Variants in TENM2 observed in about 807,000 individuals in gnomAD.
TENM2 encodes teneurin-2.
A neutral mutation model predicts 245.2 loss-of-function variants in TENM2; 52 were observed. That is an observed-to-expected ratio of 0.21 (90% confidence interval 0.17 to 0.27). The LOEUF (loss-of-function observed/expected upper bound fraction) is 0.27, where lower values mean the gene tolerates loss of function less well. Ranked by LOEUF, TENM2 falls within the 10% of genes least tolerant of loss-of-function variation. The pLI is 1.00. For missense variants in TENM2, 3,046 were observed against 3,666.8 expected (o/e 0.83, Z 4.37); for synonymous variants, 1,363 against 1,438.9 (o/e 0.95, Z 1.19).
At chr5:167,438,784 A>T (rs998239935) in intron 2 of TENM2, among the ~76,000 whole-genome samples, 1 of 151,798 alleles carries the variant, frequency 6.6e-6, no homozygotes, top group African/African-American at 2.4e-5. Context: ...AGGTAAGCGA[A>T]GTTTTTTGTT....
At chr5:167,758,856 T>C (rs1273753245) in intron 2 of TENM2, among the ~76,000 whole-genome samples, 1 of 152,018 alleles carries the variant, frequency 6.6e-6, no homozygotes, top group African/African-American at 2.4e-5. Flanking sequence ...TCTGCTTTCA[T>C]GCTAGGACCT....
At chr5:167,683,157 C>A (rs574276498) in intron 2 of TENM2, among the ~76,000 whole-genome samples, 1 of 152,058 alleles carries the variant, frequency 6.6e-6, no homozygotes, top group East Asian at 1.9e-4. Context: ...TCTTTCACAG[C>A]AATTATAATC....
intron 6 of TENM2, among the ~76,000 whole-genome samples, chr5:168,056,566 C>A (rs1242123407): frequency 1.3e-5 from 2 of 152,182 alleles, no homozygotes; most frequent in Non-Finnish European, 2.9e-5. Flanking sequence ...CTAGTGACAT[C>A]TTAGCTGTCC....
At chr5:168,260,451 C>A in intron 28 of TENM2, 38 bp downstream of exon 30, 1 of 1,608,174 alleles carries the variant, frequency 6.2e-7, no homozygotes, top group Non-Finnish European at 8.5e-7. Flanking sequence ...AAATGATTGT[C>A]ATCATTCCCT....
intron 1 of TENM2, among the ~76,000 whole-genome samples, chr5:167,344,645 T>C (rs1393016728): frequency 6.6e-6 from 1 of 152,222 alleles, no homozygotes; most frequent in Non-Finnish European, 1.5e-5. Context: ...TTACCCTTTC[T>C]AGCAATCAGC....
At chr5:167,578,975 C>T (rs1424704917) in intron 2 of TENM2, among the ~76,000 whole-genome samples, 1 of 152,136 alleles carries the variant, frequency 6.6e-6, no homozygotes, top group Non-Finnish European at 1.5e-5. Context: ...ATTTTACCAG[C>T]CTATTCAGGT....
chr5:167,097,916 G>A, the TENM2 span, among the ~76,000 whole-genome samples: 1 of 151,822 alleles, frequency 6.6e-6, no homozygotes, highest in African/African-American at 2.4e-5. Flanking sequence ...TTTTTGCTTT[G>A]TCCAAGCCAT....
At chr5:168,119,626 A>C (rs1308314506) in intron 10 of TENM2, among the ~76,000 whole-genome samples, 1 of 152,216 alleles carries the variant, frequency 6.6e-6, no homozygotes, top group Non-Finnish European at 1.5e-5. Flanking sequence ...AGACCCTCTC[A>C]GCCCCTTGCC....
At chr5:166,986,529 C>T in the TENM2 span, among the ~76,000 whole-genome samples, 1 of 152,058 alleles carries the variant, frequency 6.6e-6, no homozygotes, top group African/African-American at 2.4e-5. Context: ...AGAAGTGTAT[C>T]TTATTTATAT....
chr5:168,193,375 C>A (rs977156774), intron 14 of TENM2, among the ~76,000 whole-genome samples: 1 of 152,158 alleles, frequency 6.6e-6, no homozygotes, highest in African/African-American at 2.4e-5. Context: ...AACTAAAATG[C>A]CTTGACTCCA....
the TENM2 span, among the ~76,000 whole-genome samples, chr5:166,990,274 AG>A: frequency 6.6e-6 from 1 of 152,164 alleles, no homozygotes; most frequent in Non-Finnish European, 1.5e-5. Flanking sequence ...TTGCATCTGA[AG>A]GCTCAGCCTT....
chr5:168,223,619 A>C (rs1209566270), intron 23 of TENM2, among the ~76,000 whole-genome samples: 1 of 151,954 alleles, frequency 6.6e-6, no homozygotes, highest in African/African-American at 2.4e-5. Context: ...GGCACACGGC[A>C]CTGCGCCCAG....
At chr5:167,349,041 A>C (rs533866663) in intron 1 of TENM2, among the ~76,000 whole-genome samples, 7 of 152,194 alleles carry the variant, frequency 4.6e-5, no homozygotes, top group Admixed American at 3.9e-4. Context: ...ACAAATTATA[A>C]AATTCCCCCA....
Position 167,357,306 on chromosome 5 carries a change from T to TC in TENM2, c.227-17892_227-17891insC, listed in dbSNP as rs1178362623. ...TATGCAAGAGCCATCCTTTCTTTTT[T>TC]TTTTTTTTTCTTGTTGCCCAGGCTG... On this transcript the variant is annotated intron_variant, in intron 1 of 28. Coordinates refer to ENST00000518659, the Ensembl canonical transcript of TENM2. 2.0e-3 allele frequency among the ~76,000 whole-genome samples: 300 copies of TC among 151,238 alleles called. 2 individuals are homozygous for TC. The highest frequency in any genetic ancestry group is 6.8e-3 in the African/African-American group (282 of 41,170).
At chr5:167,635,978 A>G (rs904532021) in intron 2 of TENM2, among the ~76,000 whole-genome samples, 1 of 149,836 alleles carries the variant, frequency 6.7e-6, no homozygotes, top group African/African-American at 2.5e-5. Context: ...TTAACTTTAT[A>G]TACTTGGCAA....
At chr5:168,148,664 G>A (rs1049834169) in intron 12 of TENM2, among the ~76,000 whole-genome samples, 43 of 152,172 alleles carry the variant, frequency 2.8e-4, no homozygotes, top group African/African-American at 9.9e-4. Context: ...GCCAGTCAGA[G>A]CAAAGAAAAA....
the TENM2 span, among the ~76,000 whole-genome samples, chr5:167,258,678 T>A: frequency 6.6e-6 from 1 of 152,150 alleles, no homozygotes; most frequent in Non-Finnish European, 1.5e-5. Flanking sequence ...CCACTTTGCT[T>A]TTTTATTTAT....
chr5:167,423,657 T>G (rs956343484), intron 2 of TENM2, among the ~76,000 whole-genome samples: 2 of 152,182 alleles, frequency 1.3e-5, no homozygotes, highest in Non-Finnish European at 2.9e-5. Flanking sequence ...CATTCCCACG[T>G]TGGGCACCCT....
chr5:167,914,091 CT>C (rs1352566496), intron 3 of TENM2, among the ~76,000 whole-genome samples: 1 of 152,158 alleles, frequency 6.6e-6, no homozygotes, highest in Non-Finnish European at 1.5e-5. Flanking sequence ...GAGTCTTCCC[CT>C]GTCTTCCTAT....
Sources: gnomAD v4.1 joint callset for allele counts (sites outside exome capture counted in the v4.1 genomes callset) on GRCh38, gnomAD v4.1.1 for gene constraint, MANE v1.5 for transcripts, NCBI Gene and HGNC (gene_info 2026-07-23, HGNC 2026-07-21) for gene names.